CLSTN1: variants seen among roughly 807,000 people sequenced by gnomAD.
The protein encoded by CLSTN1 is calsyntenin-1.
A neutral mutation model predicts 108.3 loss-of-function variants in CLSTN1; 28 were observed. That is an observed-to-expected ratio of 0.26 (90% CI 0.19 to 0.35). The LOEUF (loss-of-function observed/expected upper bound fraction) is 0.35. Ranked by LOEUF, CLSTN1 falls within the 10% of genes least tolerant of loss-of-function variation. The pLI is 1.00. For missense variants in CLSTN1, 1,157 were observed against 1,302.6 expected, an observed-to-expected ratio of 0.89 and a Z score of 1.72; for synonymous variants, 524 against 534.9, an observed-to-expected ratio of 0.98 and a Z score of 0.28.
chr1:9,737,429 C>T (rs1349588013), intron 11 of CLSTN1, 69 bp downstream of exon 11: 21 of 1,432,786 alleles, frequency 1.5e-5, no homozygotes, highest in Non-Finnish European at 2.0e-5. Context: ...TTTCATGCGA[C>T]ACGTGGAATG....
intron 2 of CLSTN1, among the ~76,000 whole-genome samples, chr1:9,766,032 A>T (rs1315340837): frequency 6.6e-6 from 1 of 152,170 alleles, no homozygotes; most frequent in Admixed American, 6.5e-5. Flanking sequence ...ATTCATAACA[A>T]AGAATACAGA....
intron 4 of CLSTN1, among the ~76,000 whole-genome samples, chr1:9,754,769 C>T (rs748794522): frequency 6.6e-6 from 1 of 152,136 alleles, no homozygotes; most frequent in East Asian, 1.9e-4. Context: ...GCAGGAGAAT[C>T]GCTTGAACCC....
chr1:9,808,602 G>T (rs74751459), intron 1 of CLSTN1, among the ~76,000 whole-genome samples: 6,228 of 152,156 alleles, frequency 0.041, 402 homozygotes, highest in African/African-American at 0.14. Flanking sequence ...ATTACTAGAC[G>T]ATCCCATGAG....
At chr1:9,802,711 C>T (rs1303134055) in intron 1 of CLSTN1, among the ~76,000 whole-genome samples, 1 of 152,070 alleles carries the variant, frequency 6.6e-6, no homozygotes, top group Non-Finnish European at 1.5e-5. Flanking sequence ...ACGACAATGG[C>T]AACTTCACTT....
rs1388536560 is a variant in CLSTN1 at position 9,734,590 on chromosome 1, G to T, written c.2110+358C>A. ...ACTCCATCTCAAAAAAAAAAAAAAA[G>T]GGGGGGAGTTTCATGTGTCCTGAGC... On this transcript the variant is annotated intron_variant, in intron 14 of 18. Coordinates refer to ENST00000377298, the MANE Select transcript of CLSTN1 (RefSeq NM_001009566.3). The surrounding 1 kb of genome is among the most constrained non-coding windows in gnomAD (Gnocchi z 4.8). 8.1e-4 allele frequency among the ~76,000 whole-genome samples: 121 copies of T among 148,722 alleles called. No homozygotes were observed. The highest frequency in any genetic ancestry group is 3.0e-3 in the African/African-American group (119 of 40,310).
intron 2 of CLSTN1, among the ~76,000 whole-genome samples, chr1:9,766,098 G>C (rs989009277): frequency 6.6e-6 from 1 of 152,094 alleles, no homozygotes; most frequent in African/African-American, 2.4e-5. Flanking sequence ...TGAAAACTAA[G>C]TTCCCATTCT....
At chr1:9,764,836 A>C (rs1402912160) in intron 2 of CLSTN1, among the ~76,000 whole-genome samples, 1 of 151,782 alleles carries the variant, frequency 6.6e-6, no homozygotes, top group Non-Finnish European at 1.5e-5. Flanking sequence ...GAAAACAGGA[A>C]CCAACTTTTA....
intron 1 of CLSTN1, among the ~76,000 whole-genome samples, chr1:9,795,235 G>A (rs1354321401): frequency 1.3e-5 from 2 of 149,128 alleles, no homozygotes; most frequent in African/African-American, 2.5e-5. Context: ...GCCCGATCTC[G>A]GCTCACTGCA....
intron 4 of CLSTN1, 34 bp downstream of exon 4, chr1:9,755,080 T>TG: frequency 6.3e-7 from 1 of 1,577,142 alleles, no homozygotes. Context: ...GTTTACTCGG[T>TG]GGGTTATGTT....
intron 10 of CLSTN1, among the ~76,000 whole-genome samples, chr1:9,740,444 C>A (rs1324586052): frequency 2.0e-5 from 3 of 152,140 alleles, no homozygotes; most frequent in Non-Finnish European, 4.4e-5. Flanking sequence ...CTTCTGTGGG[C>A]CTGAGTTTCT....
Position 9,790,155 on chromosome 1 carries a change from A to G in CLSTN1, c.92-16761T>C, listed in dbSNP as rs146943211. Reference sequence around the variant, plus strand: ...CTGTAGGGTAAGTTTGTGTTGTTTCACTCCGAATTCCGCTATGAAAGAAAA... The same window carrying G: ...CTGTAGGGTAAGTTTGTGTTGTTTCGCTCCGAATTCCGCTATGAAAGAAAA... On this transcript the variant is annotated intron_variant, in intron 1 of 18. Transcript: ENST00000377298. 4.4e-3 allele frequency among the ~76,000 whole-genome samples: 664 copies of G among 151,272 alleles called. 12 individuals carry two copies. Among genetic ancestry groups the G allele is most frequent in the African/African-American group, 0.013 (555 of 41,452 alleles).
At chr1:9,798,568 T>C (rs768233672) in intron 1 of CLSTN1, among the ~76,000 whole-genome samples, 13 of 152,292 alleles carry the variant, frequency 8.5e-5, no homozygotes, top group East Asian at 3.9e-4. Context: ...AGCCGATTAG[T>C]GGTTGCCAAG....
intron 1 of CLSTN1, among the ~76,000 whole-genome samples, chr1:9,777,435 A>G (rs1653009112): frequency 6.6e-6 from 1 of 151,694 alleles, no homozygotes; most frequent in African/African-American, 2.4e-5. Context: ...AGGCAGGAGA[A>G]TCACTTGAAA....
chr1:9,786,671 A>AT (rs1207842451), intron 1 of CLSTN1, among the ~76,000 whole-genome samples: 1 of 150,074 alleles, frequency 6.7e-6, no homozygotes, highest in African/African-American at 2.4e-5. Context: ...AAAAAAAAAA[A>AT]AACAAAGGTG....
At chr1:9,791,516 G>A (rs939256545) in intron 1 of CLSTN1, among the ~76,000 whole-genome samples, 1 of 151,390 alleles carries the variant, frequency 6.6e-6, no homozygotes, top group African/African-American at 2.4e-5. Flanking sequence ...TTACAGGAGT[G>A]AGCCACCATG....
intron 1 of CLSTN1, among the ~76,000 whole-genome samples, chr1:9,788,835 T>C (rs1256991989): frequency 3.2e-5 from 4 of 124,180 alleles, no homozygotes; most frequent in Non-Finnish European, 6.2e-5. Context: ...GCCACTGCAC[T>C]CCAAGCTGGG....
At position 9,786,820 on chromosome 1, in the gene CLSTN1, G is replaced by A. The variant is rs960678851; in HGVS notation, c.92-13426C>T. Among the ~76,000 whole-genome samples the A allele has an allele frequency of 7.3e-5, 11 of 151,334 alleles. No homozygotes were observed. The Middle Eastern group carries it at 0.01, about 140-fold the overall frequency. On this transcript the variant is annotated intron_variant, in intron 1 of 18. Coordinates refer to ENST00000377298, the MANE Select transcript of CLSTN1 (RefSeq NM_001009566.3). ...GCTCACAGGGCCTGAGAGCTACATCGGGCTCCTCGTGTTGGGGAGCGCAAG... is the reference window on the plus strand; with the variant it reads ...GCTCACAGGGCCTGAGAGCTACATCAGGCTCCTCGTGTTGGGGAGCGCAAG...
At chr1:9,754,002 C>T (rs1651689413) in intron 4 of CLSTN1, among the ~76,000 whole-genome samples, 1 of 151,838 alleles carries the variant, frequency 6.6e-6, no homozygotes, top group Admixed American at 6.6e-5. Context: ...GAGATGGCAT[C>T]TCCTACATTG....
chr1:9,774,056 A>AT (rs1028158066), intron 1 of CLSTN1, among the ~76,000 whole-genome samples: 1 of 151,444 alleles, frequency 6.6e-6, no homozygotes, highest in Admixed American at 6.6e-5. Context: ...TATTATTATT[A>AT]TTTTTTCTTT....
Sources: allele counts gnomAD v4.1 joint callset (sites outside exome capture counted in the v4.1 genomes callset), GRCh38; gene constraint gnomAD v4.1.1; non-coding constraint Gnocchi (gnomAD v3.1); transcripts MANE v1.5; gene names NCBI Gene and HGNC (gene_info 2026-07-23, HGNC 2026-07-21).